Variants in PTPRE observed in about 807,000 individuals in gnomAD.
PTPRE encodes receptor-type tyrosine-protein phosphatase epsilon.
Under a neutral mutation model 102.0 loss-of-function variants are expected in PTPRE, and 51 were observed. That is an observed-to-expected ratio of 0.50 (90% CI 0.40 to 0.63). The LOEUF (loss-of-function observed/expected upper bound fraction) is 0.63, where lower values mean the gene tolerates loss of function less well. Ranked by LOEUF, PTPRE falls within the 30% of genes least tolerant of loss-of-function variation. PTPRE has a pLI of 0.00. For synonymous variants in PTPRE, 345 were observed against 348.2 expected, an observed-to-expected ratio of 0.99 and a Z score of 0.10; for missense variants, 752 against 915.1, an observed-to-expected ratio of 0.82 and a Z score of 2.30.
Position 128,072,165 on chromosome 10 carries a change from T to C in PTPRE, c.1415T>C (p.Met472Thr). The change falls in exon 16 of 21, where the codon ATG becomes ACG. Residue 472 changes from methionine (M) to threonine (T), a missense_variant. Physicochemically the swap from Met to Thr is moderately conservative, Grantham distance 81 (BLOSUM62 -1). Around this residue, in one of 2 missense-constraint regions of PTPRE, gnomAD observed 636 missense variants for 824.4 expected, o/e 0.77. Coordinates refer to ENST00000254667, the MANE Select transcript of PTPRE (RefSeq NM_006504.6). Reference sequence around the variant, plus strand: ...GACTTCAACCGAGTGATCCTTTCCATGAAAAGGGGTCAAGAATACACAGAC... The same window carrying C: ...GACTTCAACCGAGTGATCCTTTCCACGAAAAGGGGTCAAGAATACACAGAC... The part of the protein sequence containing the change: ...PYDFNRVILS[M>T]KRGQEYTDYI... 1 of 1,614,034 alleles carries C rather than the reference T, an allele frequency of 6.2e-7. No individual in the cohort carries two copies. The highest frequency in any genetic ancestry group is 2.2e-5 in the East Asian group (1 of 44,880).
chr10:127,914,924 A>G (rs1256088495), intron 1 of PTPRE, among the ~76,000 whole-genome samples: 1 of 152,228 alleles, frequency 6.6e-6, no homozygotes, highest in Non-Finnish European at 1.5e-5. Context: ...CGTGGAGCTA[A>G]TATTCAGACC....
chr10:128,023,647 G>A (rs74159122), intron 2 of PTPRE, among the ~76,000 whole-genome samples: 15,687 of 152,230 alleles, frequency 0.1, 893 homozygotes, highest in Non-Finnish European at 0.13. Context: ...CTCTTGGACC[G>A]TATCCCGCAC....
intron 1 of PTPRE, among the ~76,000 whole-genome samples, chr10:127,949,844 G>A (rs984500058): frequency 6.6e-6 from 1 of 152,118 alleles, no homozygotes. Context: ...GGGAAACGTG[G>A]GGAGACCTTG....
At chr10:128,079,527 GGAT>G (rs1590256880) in intron 19 of PTPRE, 30 bp from the exon 20 acceptor site, 2 of 1,604,456 alleles carry the variant, frequency 1.2e-6, no homozygotes, top group African/African-American at 2.7e-5. Context: ...AGTGCAAGTC[GGAT>G]GATCTGCATT....
At chr10:127,987,359 A>T (rs1249865382) in intron 2 of PTPRE, 1 of 1,284,612 alleles carries the variant, frequency 7.8e-7, no homozygotes, top group South Asian at 1.2e-5. Flanking sequence ...CTCCAAGGCC[A>T]GGATGGTTTC....
intron 2 of PTPRE, among the ~76,000 whole-genome samples, chr10:128,021,951 G>A (rs1236514650): frequency 2.6e-5 from 4 of 152,220 alleles, no homozygotes; most frequent in African/African-American, 9.6e-5. Flanking sequence ...TTTCAGGACT[G>A]ATCCTAGAGT....
At chr10:128,014,153 T>C (rs1564883641) in intron 2 of PTPRE, among the ~76,000 whole-genome samples, 1 of 152,158 alleles carries the variant, frequency 6.6e-6, no homozygotes, top group African/African-American at 2.4e-5. Context: ...ACAAGTCTGA[T>C]GAGGACCAGG....
chr10:127,921,926 G>A lies in PTPRE; in HGVS notation c.-31+14617G>A, dbSNP rs1267313574. Among the ~76,000 whole-genome samples, 7 of 152,318 alleles carry A rather than the reference G, an allele frequency of 4.6e-5. No homozygotes were observed. In the East Asian group the frequency reaches 5.8e-4, roughly 13 times the overall value. The stretch of plus-strand genomic sequence containing the variant: ...AGGGTGCCGGTGGAAGGCAGGCATC[G>A]ATGCTGAGTCTGAAGCCCTGTGCTG... On this transcript the variant is annotated intron_variant, in intron 1 of 20. Coordinates refer to ENST00000254667, the MANE Select transcript of PTPRE (RefSeq NM_006504.6).
intron 1 of PTPRE, among the ~76,000 whole-genome samples, chr10:127,935,197 C>T (rs914923647): frequency 6.6e-6 from 1 of 152,178 alleles, no homozygotes; most frequent in Admixed American, 6.5e-5. Context: ...CTTCCTTAGC[C>T]CGCTCTCTGC....
At chr10:128,079,517 A>C (rs1465791077) in intron 19 of PTPRE, 43 bp from the exon 20 acceptor site, 1 of 1,596,290 alleles carries the variant, frequency 6.3e-7, no homozygotes, top group African/African-American at 1.3e-5. Flanking sequence ...CTCATCCCCA[A>C]GTGCAAGTCG....
rs143771008 is a variant in PTPRE, at chr10:128,053,565, G to A, written c.421-2558G>A. Among the ~76,000 whole-genome samples, 1,011 of 152,244 alleles carry A rather than the reference G, an allele frequency of 6.6e-3. 15 individuals are homozygous for A. Among genetic ancestry groups the A allele is most frequent in the African/African-American group, 0.023 (971 of 41,546 alleles). Reference sequence around the variant, plus strand: ...GTGCACTTGGATCCAGGATACATACGTGTGCGGTGCACAGGGCCCGATGCC... The same window carrying A: ...GTGCACTTGGATCCAGGATACATACATGTGCGGTGCACAGGGCCCGATGCC... On this transcript the variant is annotated intron_variant, in intron 6 of 20. Coordinates refer to ENST00000254667, the MANE Select transcript of PTPRE (RefSeq NM_006504.6).
At chr10:128,066,865 TGCACACAGGC>T (rs908968705) in intron 11 of PTPRE, among the ~76,000 whole-genome samples, 10 of 152,300 alleles carry the variant, frequency 6.6e-5, no homozygotes, top group South Asian at 4.1e-4. Flanking sequence ...CCCAGAAATG[TGCACACAGGC>T]GCACACAGGC....
Position 128,085,019 on chromosome 10 carries a change from C to T in PTPRE, c.*2113C>T. 1 of 445,752 alleles carries T rather than the reference C, an allele frequency of 2.2e-6. No homozygotes were observed. The highest frequency in any genetic ancestry group is 2.4e-5 in the Admixed American group (1 of 40,936). The allele number at this position is 445,752 out of a possible 1,614,324, so 27.6% of individuals were successfully genotyped here. ...TTTTTTTCCTGTCCCCTTAGACCAA[C>T]CCCAGGTGTCCACTGCAGGGGTTCT... On this transcript the variant is annotated 3_prime_UTR_variant, in exon 21 of 21. Transcript: ENST00000254667.
chr10:128,038,412 G>A (rs1847405044), intron 2 of PTPRE, among the ~76,000 whole-genome samples: 1 of 152,168 alleles, frequency 6.6e-6, no homozygotes, highest in African/African-American at 2.4e-5. Context: ...CAACCCAAAT[G>A]TCCAACAATG....
intron 2 of PTPRE, among the ~76,000 whole-genome samples, chr10:127,993,330 C>T (rs1041355881): frequency 9.9e-5 from 15 of 152,212 alleles, no homozygotes; most frequent in Admixed American, 6.5e-5. Context: ...CTCTAACTCC[C>T]ATTTTCTACT....
chr10:128,005,114 A>C (rs1854389214), intron 2 of PTPRE, among the ~76,000 whole-genome samples: 1 of 152,188 alleles, frequency 6.6e-6, no homozygotes. Flanking sequence ...TTGTAAGAGT[A>C]CTTTATGCAT....
intron 2 of PTPRE, among the ~76,000 whole-genome samples, chr10:128,014,692 A>C (rs1453011280): frequency 2.0e-5 from 3 of 152,136 alleles, no homozygotes; most frequent in African/African-American, 7.2e-5. Context: ...CAGGAAGAAA[A>C]AAAATCAGCA....
intron 1 of PTPRE, among the ~76,000 whole-genome samples, chr10:127,927,724 TA>T (rs1329440709): frequency 6.6e-6 from 1 of 152,164 alleles, no homozygotes; most frequent in Non-Finnish European, 1.5e-5. Flanking sequence ...CGTCTTTGAG[TA>T]AAATACACAG....
chr10:128,046,021 G>A (rs1187019842), intron 3 of PTPRE, among the ~76,000 whole-genome samples: 1 of 152,180 alleles, frequency 6.6e-6, no homozygotes, highest in African/African-American at 2.4e-5. Flanking sequence ...GGCCACCTCC[G>A]CATCACAGAC....
Sources: gnomAD v4.1 joint callset for allele counts (sites outside exome capture counted in the v4.1 genomes callset) on GRCh38, gnomAD v4.1.1 for gene constraint, gnomAD v4.1.1 regional missense constraint, MANE v1.5 for transcripts, NCBI Gene and HGNC (gene_info 2026-07-23, HGNC 2026-07-21) for gene names.